Variants in ZNF407 observed in about 807,000 individuals in gnomAD.
ZNF407 encodes the protein zinc finger protein 407.
Under a neutral mutation model 131.2 loss-of-function variants are expected in ZNF407, and 17 were observed. That is an observed-to-expected ratio of 0.13 (90% CI 0.09 to 0.19). ZNF407 has a LOEUF of 0.19. Among genes scored for constraint, ZNF407 ranks in the 10% least tolerant of loss-of-function variants. The pLI is 1.00. For missense variants in ZNF407, 2,681 were observed against 2,830.6 expected, an observed-to-expected ratio of 0.95 and a Z score of 1.20; for synonymous variants, 1,156 against 1,062.0, an observed-to-expected ratio of 1.09 and a Z score of -1.72.
At chr18:74,872,754 C>CAAAA (rs1285226958) in intron 4 of ZNF407, among the ~76,000 whole-genome samples, 1 of 68,074 alleles carries the variant, frequency 1.5e-5, no homozygotes, top group African/African-American at 5.9e-5. Flanking sequence ...GACTCAGTCT[C>CAAAA]AAAAAAAAAA....
At chr18:74,861,901 A>G (rs1970942834) in intron 4 of ZNF407, among the ~76,000 whole-genome samples, 1 of 152,218 alleles carries the variant, frequency 6.6e-6, no homozygotes, top group Non-Finnish European at 1.5e-5. Context: ...GATAAATTGA[A>G]GTTTTTAATT....
intron 8 of ZNF407, among the ~76,000 whole-genome samples, chr18:74,977,351 C>A (rs1363928483): frequency 6.6e-6 from 1 of 152,204 alleles, no homozygotes; most frequent in Admixed American, 6.5e-5. Context: ...CTACAAATTC[C>A]ACACTGCCAC....
intron 1 of ZNF407, among the ~76,000 whole-genome samples, chr18:74,609,381 G>A (rs561676707): frequency 8.5e-5 from 13 of 152,146 alleles, no homozygotes; most frequent in Non-Finnish European, 1.6e-4. Flanking sequence ...GTGGTCTACC[G>A]CTCCTAGGCA....
chr18:74,859,787 T>A (rs1970912080), intron 4 of ZNF407, among the ~76,000 whole-genome samples: 1 of 152,242 alleles, frequency 6.6e-6, no homozygotes, highest in African/African-American at 2.4e-5. Context: ...GTGTCCTATT[T>A]ATCTTTGTAT....
chr18:74,724,374 A>G (rs765789584), intron 3 of ZNF407, among the ~76,000 whole-genome samples: 1 of 152,122 alleles, frequency 6.6e-6, no homozygotes, highest in Non-Finnish European at 1.5e-5. Flanking sequence ...GTATTTTGAA[A>G]TACACTATTA....
At chr18:74,694,167 C>T (rs1967296834) in intron 3 of ZNF407, among the ~76,000 whole-genome samples, 1 of 151,866 alleles carries the variant, frequency 6.6e-6, no homozygotes, top group East Asian at 1.9e-4. Context: ...GATTTTTTTC[C>T]TGGCAGTTAT....
chr18:74,737,225 T>G (rs1218646635), intron 3 of ZNF407, among the ~76,000 whole-genome samples: 1 of 152,242 alleles, frequency 6.6e-6, no homozygotes, highest in Non-Finnish European at 1.5e-5. Context: ...AGAAGTTTTG[T>G]TAAGCAAGAT....
chr18:74,962,416 G>A (rs868263594), intron 8 of ZNF407, among the ~76,000 whole-genome samples: 1 of 152,156 alleles, frequency 6.6e-6, no homozygotes, highest in African/African-American at 2.4e-5. Context: ...CATGGCGTGG[G>A]CCCCTGTTTC....
At chr18:74,910,623 A>G (rs571829977) in intron 7 of ZNF407, among the ~76,000 whole-genome samples, 1 of 152,178 alleles carries the variant, frequency 6.6e-6, no homozygotes, top group African/African-American at 2.4e-5. Flanking sequence ...TTAACCCGCT[A>G]TGTAGTGCCT....
chr18:74,956,886 A>G (rs191073998), intron 8 of ZNF407, among the ~76,000 whole-genome samples: 1 of 152,290 alleles, frequency 6.6e-6, no homozygotes, highest in East Asian at 1.9e-4. Context: ...CGTAATCACT[A>G]AATTTTGTGA....
intron 3 of ZNF407, among the ~76,000 whole-genome samples, chr18:74,705,045 T>C (rs1422011347): frequency 6.6e-6 from 1 of 151,890 alleles, no homozygotes; most frequent in Non-Finnish European, 1.5e-5. Context: ...GCATTTAATA[T>C]CTGAAATATA....
chr18:74,804,578 G>A (rs1183368449), intron 4 of ZNF407: 1 of 985,216 alleles, frequency 1.0e-6, no homozygotes, highest in Non-Finnish European at 1.2e-6. Context: ...CATCACAATG[G>A]TACTATACAT....
At position 74,804,383 on chromosome 18, in the gene ZNF407, A is replaced by G. The variant is rs564472548; in HGVS notation, c.4877+22881A>G. On this transcript the variant is annotated intron_variant, in intron 4 of 8. Transcript: ENST00000299687. ...AAAGTTTTTGTAAGCATGCCATGTG[A>G]CAAATGCCTGGCATATTCAGTAAGG... is the stretch of plus-strand genomic sequence containing the variant. 4.5e-5 allele frequency: 46 copies of G among 1,027,024 alleles called. No individual in the cohort carries two copies. In the African/African-American group the frequency reaches 5.4e-4, roughly 12 times the overall value. The allele number at this position is 1,027,024 out of a possible 1,614,324, so 63.6% of individuals were successfully genotyped here. A position where few individuals can be genotyped will look rare whatever the true frequency, so the allele number is the denominator to read the frequency against.
chr18:75,052,867 C>T (rs1306357656), intron 8 of ZNF407, among the ~76,000 whole-genome samples: 4 of 152,214 alleles, frequency 2.6e-5, no homozygotes, highest in Admixed American at 2.6e-4. Flanking sequence ...GATCAGCGTT[C>T]GGACCCATAC....
intron 1 of ZNF407, among the ~76,000 whole-genome samples, chr18:74,614,455 A>T (rs1421024403): frequency 6.6e-6 from 1 of 152,184 alleles, no homozygotes; most frequent in African/African-American, 2.4e-5. Flanking sequence ...CAGTGCATGC[A>T]TGCTTTTTCC....
intron 8 of ZNF407, among the ~76,000 whole-genome samples, chr18:75,053,088 T>C (rs1417723865): frequency 6.6e-6 from 1 of 152,168 alleles, no homozygotes; most frequent in Non-Finnish European, 1.5e-5. Flanking sequence ...CCATGACACA[T>C]GATTACCTTA....
chr18:74,634,518 A>C lies in ZNF407; in HGVS notation c.3499A>C (p.Thr1167Pro), dbSNP rs1229211199. 38 of 1,613,714 alleles carry C rather than the reference A, an allele frequency of 2.4e-5. No homozygotes were observed. The Admixed American group carries it at 6.2e-4, about 26-fold the overall frequency. Reference sequence around the variant, plus strand: ...CAATGAAGACCATTCCTTTTGTGAGACTTTCCAACAGGCTCCTGTCAAGGA... The same window carrying C: ...CAATGAAGACCATTCCTTTTGTGAGCCTTTCCAACAGGCTCCTGTCAAGGA... ...NFNEDHSFCE[T>P]FQQAPVKDKV... Residue 1167 changes from threonine to proline, a missense_variant, in exon 2 of 9, where the codon ACT (threonine) becomes CCT (proline). Transcript: ENST00000299687.
At chr18:74,974,993 G>T (rs575228517) in intron 8 of ZNF407, among the ~76,000 whole-genome samples, 120 of 152,336 alleles carry the variant, frequency 7.9e-4, no homozygotes, top group Middle Eastern at 3.4e-3. Context: ...GTATAGAACT[G>T]CCAGCAGATT....
At position 75,044,644 on chromosome 18, in the gene ZNF407, G is replaced by A. The variant is rs191829948; in HGVS notation, c.5429-18506G>A. ...ACTATGGCCCGTGTCAAAAACTTGC[G>A]GATTGTTGTGATCATGAGGTTTCCA... On this transcript the variant is annotated intron_variant, in intron 8 of 8. Transcript: ENST00000299687. Among the ~76,000 whole-genome samples, 33 of 152,180 alleles carry A rather than the reference G, an allele frequency of 2.2e-4. 1 individual carries two copies. In the East Asian group the frequency reaches 5.0e-3, roughly 23 times the overall value.
Sources: gnomAD v4.1 joint callset for allele counts (sites outside exome capture counted in the v4.1 genomes callset) on GRCh38, gnomAD v4.1.1 for gene constraint, MANE v1.5 for transcripts, NCBI Gene and HGNC (gene_info 2026-07-23, HGNC 2026-07-21) for gene names.